YPEL1: variants seen among roughly 807,000 people sequenced by gnomAD.
YPEL1 encodes the protein protein yippee-like 1.
YPEL1 carries 7 observed loss-of-function variants against 17.3 expected under a neutral mutation model. That is an observed-to-expected ratio of 0.40 (90% confidence interval 0.23 to 0.76). The LOEUF (loss-of-function observed/expected upper bound fraction) is 0.76. Among genes scored for constraint, YPEL1 ranks in the 30% least tolerant of loss-of-function variants. The pLI is 0.35. For synonymous variants in YPEL1, 59 were observed against 59.6 expected (o/e 0.99, Z 0.05); for missense variants, 91 against 155.5 (o/e 0.59, Z 2.21).
In YPEL1 at chr22:21,697,599, C is replaced by T. The variant is rs867984061; in HGVS notation, c.*3530G>A. On this transcript the variant is annotated 3_prime_UTR_variant, in exon 5 of 5. Coordinates refer to ENST00000339468, the MANE Select transcript of YPEL1 (RefSeq NM_013313.5). ...CACACAGATAAGGACCAAGGGCTGG[C>T]GGTGTGGCCAGAGGACAGGGGAAGC... The T allele has an allele frequency of 1.1e-4, 17 of 153,910 alleles. No homozygotes were observed. Among genetic ancestry groups the T allele is most frequent in the Middle Eastern group, 3.4e-3 (1 of 294 alleles). 9.5% of individuals were successfully genotyped at this position (153,910 alleles called of 1,614,324 possible).
chr22:21,709,554 T>A (rs1366133074), intron 2 of YPEL1, among the ~76,000 whole-genome samples: 1 of 152,092 alleles, frequency 6.6e-6, no homozygotes, highest in African/African-American at 2.4e-5. Flanking sequence ...GGCAGGAGGA[T>A]CGCTTGAGGC....
intron 1 of YPEL1, among the ~76,000 whole-genome samples, chr22:21,720,523 C>G (rs959591002): frequency 6.6e-6 from 1 of 151,762 alleles, no homozygotes; most frequent in Admixed American, 6.6e-5. Context: ...GACAGTCTCA[C>G]TCTGTCACCC....
intron 1 of YPEL1, among the ~76,000 whole-genome samples, chr22:21,725,365 A>G (rs1000784248): frequency 9.2e-5 from 14 of 151,524 alleles, no homozygotes; most frequent in East Asian, 3.9e-4. Flanking sequence ...GACTACAGGC[A>G]CCCGCCACCA....
At chr22:21,705,259 G>A (rs759222763) in intron 2 of YPEL1, among the ~76,000 whole-genome samples, 7 of 152,220 alleles carry the variant, frequency 4.6e-5, no homozygotes, top group Non-Finnish European at 7.3e-5. Flanking sequence ...GATTGCAGGC[G>A]TGAGCCACTG....
chr22:21,710,104 G>A (rs997923291), intron 2 of YPEL1, among the ~76,000 whole-genome samples: 28 of 152,052 alleles, frequency 1.8e-4, no homozygotes, highest in Admixed American at 1.8e-3. Flanking sequence ...GAGGGGCCAG[G>A]GGATCTTGTT....
Position 21,703,272 on chromosome 22 carries a change from G to T in YPEL1, c.270+98C>A. ...GAACTGGGGTTTCTGAAAGTGCTGT[G>T]ACTGGTACCATGGGCCACACTGCAC... On this transcript the variant is annotated intron_variant, in intron 4 of 4. Coordinates refer to ENST00000339468, the MANE Select transcript of YPEL1 (RefSeq NM_013313.5). This position sits in a 1 kb window ranked among gnomAD's most constrained non-coding sequence, Gnocchi z 6.1. 1 of 1,061,430 alleles carries T rather than the reference G, an allele frequency of 9.4e-7. No individual in the cohort carries two copies. The highest frequency in any genetic ancestry group is 1.4e-6 in the Non-Finnish European group (1 of 698,702). The allele number at this position is 1,061,430 out of a possible 1,614,324, so 65.8% of individuals were successfully genotyped here.
At chr22:21,727,622 T>C (rs1159642713) in intron 1 of YPEL1, among the ~76,000 whole-genome samples, 1 of 152,236 alleles carries the variant, frequency 6.6e-6, no homozygotes, top group African/African-American at 2.4e-5. Context: ...ATCAGGCCCA[T>C]GTCCATATGG....
At chr22:21,717,045 T>TA (rs1220656758) in intron 1 of YPEL1, among the ~76,000 whole-genome samples, 1 of 150,792 alleles carries the variant, frequency 6.6e-6, no homozygotes, top group Non-Finnish European at 1.5e-5. Flanking sequence ...ACACTGAAGA[T>TA]ACGTCAGAAT....
chr22:21,724,161 AC>A (rs1219434235), intron 1 of YPEL1, among the ~76,000 whole-genome samples: 1 of 152,210 alleles, frequency 6.6e-6, no homozygotes, highest in Admixed American at 6.5e-5. Flanking sequence ...GACCTCAGGA[AC>A]ATTCCACAGG....
chr22:21,718,538 C>T (rs1006356001), intron 1 of YPEL1, among the ~76,000 whole-genome samples: 2 of 151,848 alleles, frequency 1.3e-5, no homozygotes, highest in Non-Finnish European at 2.9e-5. Context: ...GTCAATGTGA[C>T]ATGAAAGAGA....
chr22:21,732,096 T>C (rs1310136522), intron 1 of YPEL1, among the ~76,000 whole-genome samples: 1 of 152,188 alleles, frequency 6.6e-6, no homozygotes, highest in Non-Finnish European at 1.5e-5. Context: ...GGCTCCAGGA[T>C]TTCCATTTTA....
intron 2 of YPEL1, chr22:21,704,099 T>A (rs2068093686): frequency 1.4e-6 from 1 of 719,752 alleles, no homozygotes; most frequent in Non-Finnish European, 2.6e-6. Flanking sequence ...AGTGGCTGAT[T>A]CTGCTGCGTC....
At chr22:21,722,548 C>T (rs986649948) in intron 1 of YPEL1, among the ~76,000 whole-genome samples, 2 of 150,616 alleles carry the variant, frequency 1.3e-5, no homozygotes, top group Non-Finnish European at 1.5e-5. Context: ...ACCTGGGAGA[C>T]GGAGATTGCA....
At chr22:21,715,508 C>CA (rs1006581322) in intron 1 of YPEL1, among the ~76,000 whole-genome samples, 9 of 150,932 alleles carry the variant, frequency 6.0e-5, no homozygotes, top group East Asian at 3.9e-4. Flanking sequence ...AAAACAACAA[C>CA]AACAAACAAA....
rs367906237 is a variant in YPEL1 at position 21,703,347 on chromosome 22, G to A, written c.270+23C>T. 151 of 1,604,816 alleles carry A rather than the reference G, an allele frequency of 9.4e-5. No homozygotes were observed. Among genetic ancestry groups the A allele is most frequent in the African/African-American group, 1.7e-4 (13 of 74,860 alleles). On this transcript the variant is annotated intron_variant, in intron 4 of 4. Transcript: ENST00000339468. The surrounding 1 kb of genome is among the most constrained non-coding windows in gnomAD (Gnocchi z 6.1). ...TTAGTGCCACATCCCCTTGTGGCACGAGCATCCCCTTGTGGCACTCACGTA... is the reference window on the plus strand; with the variant it reads ...TTAGTGCCACATCCCCTTGTGGCACAAGCATCCCCTTGTGGCACTCACGTA...
At chr22:21,710,418 C>T (rs906751759) in intron 2 of YPEL1, 34 of 576,218 alleles carry the variant, frequency 5.9e-5, no homozygotes, top group South Asian at 3.0e-4. Flanking sequence ...CCTGGAAAAC[C>T]GCCCACCATG....
chr22:21,703,346 C>G lies in YPEL1; in HGVS notation c.270+24G>C. ...CTTAGTGCCACATCCCCTTGTGGCA[C>G]GAGCATCCCCTTGTGGCACTCACGT... On this transcript the variant is annotated intron_variant, in intron 4 of 4. Coordinates refer to ENST00000339468, the MANE Select transcript of YPEL1 (RefSeq NM_013313.5). The surrounding 1 kb of genome is among the most constrained non-coding windows in gnomAD (Gnocchi z 6.1). 6.2e-7 allele frequency: 1 copy of G among 1,605,246 alleles called. No individual in the cohort carries two copies. Among genetic ancestry groups the G allele is most frequent in the Non-Finnish European group, 8.5e-7 (1 of 1,173,452 alleles).
rs115355228 is a variant in YPEL1 at position 21,720,749 on chromosome 22, C to A, written c.-164-9841G>T. On this transcript the variant is annotated intron_variant, in intron 1 of 4. Coordinates refer to ENST00000339468, the MANE Select transcript of YPEL1 (RefSeq NM_013313.5). ...ACATGATCCACCCGCCTTGGCCTCCCACCCACCACGGCTTCCCAAAGTGCT... is the reference window on the plus strand; with the variant it reads ...ACATGATCCACCCGCCTTGGCCTCCAACCCACCACGGCTTCCCAAAGTGCT... Among the ~76,000 whole-genome samples the A allele has an allele frequency of 7.5e-3, 1,133 of 151,062 alleles. 14 individuals are homozygous for A. The highest frequency in any genetic ancestry group is 0.026 in the African/African-American group (1,075 of 41,104).
chr22:21,702,758 C>G (rs966714806), intron 4 of YPEL1, among the ~76,000 whole-genome samples: 2 of 152,108 alleles, frequency 1.3e-5, no homozygotes, highest in Non-Finnish European at 2.9e-5. Context: ...GAGAGTGGAG[C>G]CTGGAAGAGA....
Sources: gnomAD v4.1 joint callset for allele counts (sites outside exome capture counted in the v4.1 genomes callset) on GRCh38, gnomAD v4.1.1 for gene constraint, Gnocchi (gnomAD v3.1) non-coding constraint, MANE v1.5 for transcripts, NCBI Gene and HGNC (gene_info 2026-07-23, HGNC 2026-07-21) for gene names.